SH3D19: variants seen among roughly 807,000 people sequenced by gnomAD.
SH3D19 encodes SH3 domain-containing protein 19.
Under a neutral mutation model 112.1 loss-of-function variants are expected in SH3D19, and 58 were observed. The observed-to-expected ratio is 0.52, with a 90% CI of 0.42 to 0.64. The LOEUF is 0.64. SH3D19 is among the 30% of genes least tolerant of loss of function. The pLI is 0.00. For missense variants in SH3D19, 1,090 were observed against 1,263.4 expected (o/e 0.86, Z 2.08); for synonymous variants, 391 against 448.5 (o/e 0.87, Z 1.62).
intron 8 of SH3D19, among the ~76,000 whole-genome samples, chr4:151,164,813 C>G (rs542676112): frequency 4.6e-5 from 7 of 152,200 alleles, no homozygotes; most frequent in Admixed American, 4.6e-4. Context: ...CTCTTGACCT[C>G]GTGATCCACC....
intron 1 of SH3D19, among the ~76,000 whole-genome samples, chr4:151,234,565 G>A (rs13149045): frequency 0.79 from 120,570 of 151,918 alleles, 50,043 homozygotes; most frequent in Non-Finnish European, 0.93. Flanking sequence ...TGCCTTAATA[G>A]TTACTTTCAT....
intron 15 of SH3D19, among the ~76,000 whole-genome samples, chr4:151,134,284 A>G (rs1751358650): frequency 2.0e-5 from 3 of 152,230 alleles, no homozygotes. Flanking sequence ...TTCAGCAGGT[A>G]ATGAATTCTA....
intron 1 of SH3D19, among the ~76,000 whole-genome samples, chr4:151,316,671 TAAAAAGAAA>T (rs1380787558): frequency 6.6e-6 from 1 of 151,556 alleles, no homozygotes; most frequent in Non-Finnish European, 1.5e-5. Context: ...ATTTTATTTT[TAAAAAGAAA>T]AAAAAGGAAA....
At chr4:151,260,996 A>G (rs1451567004) in intron 1 of SH3D19, 1 of 152,060 alleles carries the variant, frequency 6.6e-6, no homozygotes, top group Non-Finnish European at 1.5e-5. Context: ...CACAATTTTA[A>G]ATTTTGTACT....
intron 1 of SH3D19, among the ~76,000 whole-genome samples, chr4:151,309,079 G>C (rs767265929): frequency 7.2e-5 from 11 of 152,186 alleles, no homozygotes; most frequent in Admixed American, 1.3e-4. Context: ...ATGTTGGCCA[G>C]GCTCGTCTTG....
At chr4:151,135,233 G>A (rs866988782) in intron 14 of SH3D19, 101 bp from the exon 15 acceptor site, 21 of 839,424 alleles carry the variant, frequency 2.5e-5, no homozygotes, top group Non-Finnish European at 3.3e-5. Context: ...GAAATCGATC[G>A]GTTTAGCTAG....
At chr4:151,198,375 AAT>A (rs1763849098) in intron 2 of SH3D19, among the ~76,000 whole-genome samples, 1 of 41,704 alleles carries the variant, frequency 2.4e-5, no homozygotes, top group African/African-American at 4.0e-5. Flanking sequence ...ATTATATAAA[AAT>A]TATATAATAT....
intron 19 of SH3D19, among the ~76,000 whole-genome samples, chr4:151,126,773 G>A (rs1374532036): frequency 1.4e-5 from 2 of 145,786 alleles, no homozygotes; most frequent in East Asian, 4.1e-4. Context: ...ACTCCAGCCT[G>A]GGTGACAGAG....
At chr4:151,224,584 C>G (rs1438850344) in intron 2 of SH3D19, among the ~76,000 whole-genome samples, 3 of 152,164 alleles carry the variant, frequency 2.0e-5, no homozygotes, top group African/African-American at 7.2e-5. Flanking sequence ...TCAGTTCAGT[C>G]CAATCTTCAG....
At chr4:151,199,244 G>A (rs1764036140) in intron 2 of SH3D19, among the ~76,000 whole-genome samples, 1 of 152,076 alleles carries the variant, frequency 6.6e-6, no homozygotes, top group South Asian at 2.1e-4. Flanking sequence ...CATTTAAGGG[G>A]AATGACTGAC....
chr4:151,138,154 C>T (rs759925597), intron 13 of SH3D19, among the ~76,000 whole-genome samples: 4 of 151,932 alleles, frequency 2.6e-5, no homozygotes, highest in Non-Finnish European at 4.4e-5. Context: ...AATATAAAGC[C>T]GTGCTGAATA....
intron 1 of SH3D19, chr4:151,279,746 A>C (rs1172122593): frequency 6.4e-7 from 1 of 1,569,564 alleles, no homozygotes; most frequent in African/African-American, 1.4e-5. Flanking sequence ...TGGGGACCAG[A>C]GAAACAGGAC....
intron 1 of SH3D19, among the ~76,000 whole-genome samples, chr4:151,257,680 C>G (rs1275338822): frequency 6.6e-6 from 1 of 151,870 alleles, no homozygotes; most frequent in Non-Finnish European, 1.5e-5. Context: ...GCTTTGGGAG[C>G]CTGGGGAGGG....
intron 7 of SH3D19, chr4:151,166,008 C>G (rs893004565): frequency 4.3e-6 from 1 of 231,422 alleles, no homozygotes. Context: ...AAATGAGGGG[C>G]AACTGAGATG....
chr4:151,145,744 G>A (rs537650506), intron 11 of SH3D19, among the ~76,000 whole-genome samples: 2 of 152,280 alleles, frequency 1.3e-5, no homozygotes, highest in South Asian at 2.1e-4. Context: ...TAGAGGCTAC[G>A]ATTGGCGTAA....
chr4:151,211,647 A>C (rs1161491817), intron 2 of SH3D19, among the ~76,000 whole-genome samples: 1 of 152,212 alleles, frequency 6.6e-6, no homozygotes, highest in Non-Finnish European at 1.5e-5. Context: ...ATGATAAGAA[A>C]GTGAAACAGC....
At chr4:151,235,086 G>A (rs938576630) in intron 1 of SH3D19, among the ~76,000 whole-genome samples, 4 of 151,962 alleles carry the variant, frequency 2.6e-5, no homozygotes, top group Non-Finnish European at 4.4e-5. Flanking sequence ...TGCATGCGCA[G>A]GTTTGTTACA....
intron 1 of SH3D19, among the ~76,000 whole-genome samples, chr4:151,293,422 G>A (rs1476876402): frequency 2.7e-5 from 4 of 146,240 alleles, no homozygotes; most frequent in African/African-American, 1.0e-4. Context: ...GCTGTGAGCC[G>A]AGATTGCGCC....
chr4:151,226,533 T>C, intron 1 of SH3D19: 2 of 926,042 alleles, frequency 2.2e-6, no homozygotes, highest in Non-Finnish European at 2.6e-6. Context: ...CATCTGCAAA[T>C]ACTAAGACCA....
Sources: gnomAD v4.1 joint callset for allele counts (sites outside exome capture counted in the v4.1 genomes callset) on GRCh38, gnomAD v4.1.1 for gene constraint, MANE v1.5 for transcripts, NCBI Gene and HGNC (gene_info 2026-07-23, HGNC 2026-07-21) for gene names.